CTNNA3: variants seen among roughly 807,000 people sequenced by gnomAD.
CTNNA3 encodes catenin alpha 3, also known as catenin alpha-3.
In CTNNA3, 76 loss-of-function variants were observed where a neutral mutation model predicts 95.7. That is an observed-to-expected ratio of 0.79 (90% CI 0.66 to 0.96). The LOEUF is 0.96. Among genes scored for constraint, CTNNA3 ranks in the 40% least tolerant of loss-of-function variants. The pLI, the probability that CTNNA3 is intolerant of heterozygous loss-of-function variation, is 0.00. For synonymous variants in CTNNA3, 431 were observed against 374.4 expected (o/e 1.15, Z -1.74); for missense variants, 1,191 against 1,089.8 (o/e 1.09, Z -1.31).
chr10:66,263,186 G>A (rs1365572748), intron 13 of CTNNA3, among the ~76,000 whole-genome samples: 2 of 151,872 alleles, frequency 1.3e-5, no homozygotes, highest in African/African-American at 4.8e-5. Context: ...ACAGCAGGGG[G>A]AAGCATTCTG....
chr10:67,416,607 CAA>C (rs368513767), intron 5 of CTNNA3, among the ~76,000 whole-genome samples: 57 of 38,348 alleles, frequency 1.5e-3, no homozygotes, highest in African/African-American at 3.5e-3. Context: ...GACTCTGTCT[CAA>C]AAAAAAAAAA....
chr10:66,629,285 A>G (rs1845049161), intron 9 of CTNNA3, among the ~76,000 whole-genome samples: 1 of 152,084 alleles, frequency 6.6e-6, no homozygotes, highest in Non-Finnish European at 1.5e-5. Flanking sequence ...AAGTAACCCC[A>G]TGAGTCTTAT....
intron 11 of CTNNA3, among the ~76,000 whole-genome samples, chr10:66,485,600 A>C (rs1839698379): frequency 6.6e-6 from 1 of 152,156 alleles, no homozygotes; most frequent in African/African-American, 2.4e-5. Context: ...AAAAGACACA[A>C]ATAAATGGAA....
At chr10:66,870,293 G>A (rs74887516) in intron 7 of CTNNA3, among the ~76,000 whole-genome samples, 2,773 of 152,196 alleles carry the variant, frequency 0.018, 33 homozygotes, top group African/African-American at 0.031. Context: ...TTGCAAAAAC[G>A]CAATGATGCA....
chr10:67,669,000 G>A (rs931763101), intron 1 of CTNNA3, among the ~76,000 whole-genome samples: 1 of 151,698 alleles, frequency 6.6e-6, no homozygotes, highest in African/African-American at 2.4e-5. Flanking sequence ...CACCATGCCC[G>A]GCTAATTTTT....
chr10:66,113,270 A>G (rs990794488), intron 13 of CTNNA3, among the ~76,000 whole-genome samples: 1 of 151,948 alleles, frequency 6.6e-6, no homozygotes, highest in African/African-American at 2.4e-5. Flanking sequence ...TTCAATTTTC[A>G]CCTATAGCAT....
chr10:66,651,853 C>T (rs922362425), intron 9 of CTNNA3, among the ~76,000 whole-genome samples: 3 of 142,996 alleles, frequency 2.1e-5, no homozygotes, highest in African/African-American at 7.9e-5. Flanking sequence ...GGAAAGGGAG[C>T]CGGCTCCTGC....
chr10:67,027,920 T>C (rs1354421236), intron 7 of CTNNA3, among the ~76,000 whole-genome samples: 1 of 152,190 alleles, frequency 6.6e-6, no homozygotes, highest in Non-Finnish European at 1.5e-5. Flanking sequence ...TCACTTTATA[T>C]TTGTATAGTA....
intron 12 of CTNNA3, among the ~76,000 whole-genome samples, chr10:66,281,081 C>T (rs10822789): frequency 0.47 from 71,275 of 151,484 alleles, 18,227 homozygotes; most frequent in African/African-American, 0.69. Flanking sequence ...GAAAATTTAG[C>T]TAAAAGTAGT....
intron 10 of CTNNA3, among the ~76,000 whole-genome samples, chr10:66,617,807 A>G (rs1373576379): frequency 6.6e-6 from 1 of 151,812 alleles, no homozygotes; most frequent in Non-Finnish European, 1.5e-5. Context: ...TATATCTAGA[A>G]AACCCCACTG....
intron 13 of CTNNA3, among the ~76,000 whole-genome samples, chr10:66,270,406 A>G (rs956292322): frequency 6.6e-6 from 1 of 151,968 alleles, no homozygotes; most frequent in Non-Finnish European, 1.5e-5. Flanking sequence ...GGGTTTCACC[A>G]TGTTGCCCAG....
At chr10:65,985,991 TTCTA>T (rs1002712733) in intron 16 of CTNNA3, among the ~76,000 whole-genome samples, 20 of 151,768 alleles carry the variant, frequency 1.3e-4, no homozygotes, top group African/African-American at 4.6e-4. Context: ...ATCTTATTTA[TTCTA>T]TCTAACTATA....
chr10:66,033,920 C>T lies in CTNNA3; in HGVS notation c.2159+35388G>A, dbSNP rs146451621. Among the ~76,000 whole-genome samples the T allele has an allele frequency of 4.4e-3, 673 of 152,262 alleles. 4 individuals carry two copies. The highest frequency in any genetic ancestry group is 0.015 in the African/African-American group (630 of 41,544). ...GGGGCAGTTCTGGAGCCCGGCTGCTCGCATTCAAATTCCATCTCTGGCATT... is the reference window on the plus strand; with the variant it reads ...GGGGCAGTTCTGGAGCCCGGCTGCTTGCATTCAAATTCCATCTCTGGCATT... On this transcript the variant is annotated intron_variant, in intron 15 of 17. Transcript: ENST00000433211.
intron 12 of CTNNA3, among the ~76,000 whole-genome samples, chr10:66,309,045 T>A (rs916167047): frequency 5.3e-5 from 8 of 152,178 alleles, no homozygotes; most frequent in Non-Finnish European, 2.9e-5. Flanking sequence ...CAAAAAGAGT[T>A]CTCTATACAA....
chr10:66,475,601 C>T (rs1839295413), intron 11 of CTNNA3, among the ~76,000 whole-genome samples: 1 of 151,970 alleles, frequency 6.6e-6, no homozygotes, highest in Non-Finnish European at 1.5e-5. Flanking sequence ...GGCCAAAAAA[C>T]ATATGAAGAA....
chr10:67,398,187 GC>G (rs1179517195), intron 5 of CTNNA3, among the ~76,000 whole-genome samples: 1 of 152,232 alleles, frequency 6.6e-6, no homozygotes, highest in Non-Finnish European at 1.5e-5. Flanking sequence ...CTCAATGCCA[GC>G]CAGTGAAAGT....
intron 1 of CTNNA3, chr10:67,750,137 T>G (rs918689747): frequency 3.3e-5 from 27 of 814,442 alleles, no homozygotes; most frequent in African/African-American, 2.7e-4. Flanking sequence ...AGACACACCA[T>G]CTTTAAGAGC....
chr10:67,542,694 G>A (rs1259149557), intron 3 of CTNNA3, among the ~76,000 whole-genome samples: 1 of 152,048 alleles, frequency 6.6e-6, no homozygotes, highest in East Asian at 1.9e-4. Context: ...AAGAGACACA[G>A]AGGAGGATCT....
At chr10:67,196,346 C>T (rs981913284) in intron 6 of CTNNA3, among the ~76,000 whole-genome samples, 1 of 151,990 alleles carries the variant, frequency 6.6e-6, no homozygotes, top group Non-Finnish European at 1.5e-5. Context: ...ACATACAAAT[C>T]TAAATACATA....
Sources: gnomAD v4.1 joint callset for allele counts (sites outside exome capture counted in the v4.1 genomes callset) on GRCh38, gnomAD v4.1.1 for gene constraint, MANE v1.5 for transcripts, NCBI Gene and HGNC (gene_info 2026-07-23, HGNC 2026-07-21) for gene names.